CHCHD6: variants seen among roughly 807,000 people sequenced by gnomAD.
The protein encoded by CHCHD6 is MICOS complex subunit MIC25.
Under a neutral mutation model 32.3 loss-of-function variants are expected in CHCHD6, and 28 were observed. The observed-to-expected ratio is 0.87, with a 90% CI of 0.64 to 1.19. CHCHD6 has a LOEUF of 1.19. Among genes scored for constraint, CHCHD6 ranks in the 50% most tolerant of loss-of-function variants. The pLI is 0.00. For missense variants in CHCHD6, 333 were observed against 307.0 expected (o/e 1.08, Z -0.63); for synonymous variants, 122 against 117.5 (o/e 1.04, Z -0.25).
At chr3:126,795,970 T>C (rs1938773729) in intron 4 of CHCHD6, among the ~76,000 whole-genome samples, 2 of 152,202 alleles carry the variant, frequency 1.3e-5, no homozygotes, top group South Asian at 4.2e-4. Flanking sequence ...TCAGTTTCAG[T>C]GGTGGGGTTT....
chr3:126,960,123 G>A (rs2107612175), intron 7 of CHCHD6, 73 bp from the exon 8 acceptor site: 4 of 1,544,528 alleles, frequency 2.6e-6, no homozygotes, highest in Non-Finnish European at 3.5e-6. Flanking sequence ...TGCTGTCACA[G>A]GGCGATCTGC....
At chr3:126,757,029 A>G (rs1936978074) in intron 4 of CHCHD6, among the ~76,000 whole-genome samples, 1 of 152,188 alleles carries the variant, frequency 6.6e-6, no homozygotes, top group Non-Finnish European at 1.5e-5. Context: ...TTTTTAGCAT[A>G]GGGAAGAAAG....
chr3:126,736,778 A>C (rs1306402415), intron 4 of CHCHD6, among the ~76,000 whole-genome samples: 2 of 152,080 alleles, frequency 1.3e-5, no homozygotes, highest in Non-Finnish European at 2.9e-5. Context: ...GGATCCTGTG[A>C]GAGGTGTTTC....
intron 6 of CHCHD6, among the ~76,000 whole-genome samples, chr3:126,943,216 A>G (rs1394754441): frequency 6.6e-6 from 1 of 151,276 alleles, no homozygotes; most frequent in Admixed American, 6.6e-5. Flanking sequence ...CCCCACTACC[A>G]CCCCACTCCC....
At chr3:126,747,598 A>G (rs1319926623) in intron 4 of CHCHD6, among the ~76,000 whole-genome samples, 1 of 152,058 alleles carries the variant, frequency 6.6e-6, no homozygotes, top group Non-Finnish European at 1.5e-5. Context: ...TCCAATTGCC[A>G]TTTTACTTCT....
intron 4 of CHCHD6, among the ~76,000 whole-genome samples, chr3:126,790,194 C>T (rs897750737): frequency 4.6e-5 from 7 of 152,148 alleles, no homozygotes; most frequent in African/African-American, 1.7e-4. Context: ...GAGAGATCAG[C>T]TGTTAGTCTG....
In CHCHD6 at chr3:126,911,259, C is replaced by T. The variant is rs372112291; in HGVS notation, c.496-3421C>T. Among the ~76,000 whole-genome samples, 16 of 152,314 alleles carry T rather than the reference C, an allele frequency of 1.1e-4. No individual in the cohort carries two copies. The East Asian group carries it at 1.7e-3, about 17-fold the overall frequency. ...CAAGCCACACTTGTCTCAGAACCTT[C>T]TGGCACTTGGCGGGTTCTCAGTGTG... On this transcript the variant is annotated intron_variant, in intron 5 of 7. Transcript: ENST00000290913.
intron 1 of CHCHD6, 48 bp from the exon 2 acceptor site, chr3:126,727,030 C>G: frequency 7.5e-7 from 1 of 1,339,576 alleles, no homozygotes; most frequent in East Asian, 2.3e-5. Flanking sequence ...TGCTTCCAGG[C>G]ACTTCTGTGA....
intron 5 of CHCHD6, among the ~76,000 whole-genome samples, chr3:126,859,342 A>C (rs1055638743): frequency 2.6e-5 from 4 of 152,108 alleles, no homozygotes; most frequent in Non-Finnish European, 5.9e-5. Context: ...GCTATGTGAG[A>C]AGGGAGGCCA....
intron 4 of CHCHD6, among the ~76,000 whole-genome samples, chr3:126,851,100 C>T (rs934548032): frequency 1.3e-5 from 2 of 152,238 alleles, no homozygotes; most frequent in African/African-American, 4.8e-5. Flanking sequence ...GTGATAGAGC[C>T]GATGTTAGAA....
intron 1 of CHCHD6, among the ~76,000 whole-genome samples, chr3:126,717,747 G>T (rs896920855): frequency 6.6e-6 from 1 of 151,476 alleles, no homozygotes. Flanking sequence ...AAATGCATTT[G>T]TTAAGGTGGA....
chr3:126,830,157 G>T (rs148746376), intron 4 of CHCHD6, among the ~76,000 whole-genome samples: 4,542 of 152,270 alleles, frequency 0.03, 94 homozygotes, highest in Non-Finnish European at 0.039. Context: ...CCTCCAGTGT[G>T]TGGTGTTTGT....
At chr3:126,883,289 C>G (rs988558192) in intron 5 of CHCHD6, among the ~76,000 whole-genome samples, 1 of 152,144 alleles carries the variant, frequency 6.6e-6, no homozygotes, top group South Asian at 2.1e-4. Flanking sequence ...GGAACCCCAA[C>G]TCGAAGCCGA....
At chr3:126,873,538 AG>A (rs1396756833) in intron 5 of CHCHD6, among the ~76,000 whole-genome samples, 3 of 152,156 alleles carry the variant, frequency 2.0e-5, no homozygotes, top group Non-Finnish European at 4.4e-5. Flanking sequence ...AGTTCAGCTA[AG>A]GTTGGTTCAG....
Position 126,733,162 on chromosome 3 carries a change from G to C in CHCHD6, c.351G>C (p.Lys117Asn). Residue 117 changes from lysine to asparagine, a missense_variant, in exon 4 of 8, where the codon AAG (lysine) becomes AAC (asparagine). Physicochemically the swap from Lys to Asn is moderately conservative, Grantham distance 94. Coordinates refer to ENST00000290913, the MANE Select transcript of CHCHD6 (RefSeq NM_032343.3). ...GAGAGGCTGCCACCAAGCACTCCAAGGCATCCCTGCCCACGGGCGAAGGCA... is the reference window on the plus strand; with the variant it reads ...GAGAGGCTGCCACCAAGCACTCCAACGCATCCCTGCCCACGGGCGAAGGCA... ...REREAATKHS[K>N]ASLPTGEGSI... is the part of the protein sequence containing the mutation. 1 of 1,614,232 alleles carries C rather than the reference G, an allele frequency of 6.2e-7. No homozygotes were observed. The highest frequency in any genetic ancestry group is 1.1e-5 in the South Asian group (1 of 91,082).
intron 6 of CHCHD6, among the ~76,000 whole-genome samples, chr3:126,947,175 G>C (rs572486886): frequency 6.6e-6 from 1 of 152,348 alleles, no homozygotes; most frequent in African/African-American, 2.4e-5. Flanking sequence ...CCCAAGATGG[G>C]AAGGTGCCAC....
intron 4 of CHCHD6, among the ~76,000 whole-genome samples, chr3:126,830,901 ACT>A (rs1940610550): frequency 6.7e-6 from 1 of 149,884 alleles, no homozygotes; most frequent in Non-Finnish European, 1.5e-5. Context: ...CTCCTCACTC[ACT>A]CTCGGCTCCA....
chr3:126,803,210 A>G lies in CHCHD6; in HGVS notation c.412-49437A>G, dbSNP rs892032037. Among the ~76,000 whole-genome samples, 40 of 152,190 alleles carry G rather than the reference A, an allele frequency of 2.6e-4. 1 individual carries two copies. The highest frequency in any genetic ancestry group is 1.2e-3 in the South Asian group (6 of 4,818). On this transcript the variant is annotated intron_variant, in intron 4 of 7. Transcript: ENST00000290913. ...TAATGACAGGATCAAATTCACACATAACAATATTAACTTTAAATGTAAATG... is the reference window on the plus strand; with the variant it reads ...TAATGACAGGATCAAATTCACACATGACAATATTAACTTTAAATGTAAATG...
At chr3:126,874,922 A>G (rs2077520789) in intron 5 of CHCHD6, among the ~76,000 whole-genome samples, 2 of 152,296 alleles carry the variant, frequency 1.3e-5, no homozygotes, top group South Asian at 4.1e-4. Context: ...CCACCAGCAG[A>G]ATGGACCTGC....
Sources: gnomAD v4.1 joint callset for allele counts (sites outside exome capture counted in the v4.1 genomes callset) on GRCh38, gnomAD v4.1.1 for gene constraint, MANE v1.5 for transcripts, NCBI Gene and HGNC (gene_info 2026-07-23, HGNC 2026-07-21) for gene names.